MCF2L: variants seen among roughly 807,000 people sequenced by gnomAD.
The protein encoded by MCF2L is MCF.2 cell line derived transforming sequence like, also known as guanine nucleotide exchange factor DBS.
MCF2L carries 97 observed loss-of-function variants against 153.4 expected under a neutral mutation model. The ratio of observed to expected loss-of-function variants is 0.63; its 90% CI spans 0.54 to 0.75. The LOEUF (loss-of-function observed/expected upper bound fraction) is 0.75. Among genes scored for constraint, MCF2L ranks in the 30% least tolerant of loss-of-function variants. MCF2L has a pLI of 0.00. For missense variants in MCF2L, 1,347 were observed against 1,495.2 expected (o/e 0.90, Z 1.64); for synonymous variants, 659 against 632.2 (o/e 1.04, Z -0.64).
chr13:112,986,905 A>G (rs1351896632), intron 1 of MCF2L, among the ~76,000 whole-genome samples: 1 of 152,256 alleles, frequency 6.6e-6, no homozygotes, highest in African/African-American at 2.4e-5. Context: ...CAAGGGTGGC[A>G]GGAGCCACTT....
intron 1 of MCF2L, chr13:112,985,612 G>T: frequency 2.9e-6 from 1 of 349,436 alleles, no homozygotes. Flanking sequence ...TGTGTCCCCT[G>T]TGGAATTTGC....
intron 2 of MCF2L, among the ~76,000 whole-genome samples, chr13:112,928,079 G>C (rs1416978854): frequency 1.3e-5 from 2 of 152,200 alleles, no homozygotes; most frequent in African/African-American, 2.4e-5. Flanking sequence ...TGATTGTATT[G>C]TGTTTATGTG....
intron 2 of MCF2L, among the ~76,000 whole-genome samples, chr13:112,955,004 G>A (rs771907296): frequency 2.6e-5 from 4 of 152,158 alleles, no homozygotes; most frequent in Non-Finnish European, 4.4e-5. Flanking sequence ...ATGCTGTGCC[G>A]TTGGTGACAT....
Position 113,024,667 on chromosome 13 carries a change from C to A in MCF2L, c.187C>A (p.Pro63Thr). 6.2e-7 allele frequency: 1 copy of A among 1,614,040 alleles called. No homozygotes were observed. The highest frequency in any genetic ancestry group is 1.1e-5 in the South Asian group (1 of 91,082). The change falls in exon 3 of 30, where the codon CCG becomes ACG. Residue 63 changes from proline (P) to threonine (T), a missense_variant. Transcript: ENST00000535094. Reference protein sequence around the residue: ...LSGGRGQDGSPVITFPDYPAF... With the variant: ...LSGGRGQDGSTVITFPDYPAF... ...AGGTGGGCGGGGGCAGGACGGAAGCCCGGTTATCACCTTCCCTGACTACCC... is the reference window on the plus strand; with the variant it reads ...AGGTGGGCGGGGGCAGGACGGAAGCACGGTTATCACCTTCCCTGACTACCC...
intron 2 of MCF2L, among the ~76,000 whole-genome samples, chr13:112,911,044 T>C (rs943294374): frequency 6.6e-6 from 1 of 152,192 alleles, no homozygotes; most frequent in Non-Finnish European, 1.5e-5. Context: ...CTCTCGCCCC[T>C]GCCCTGGGAC....
intron 2 of MCF2L, among the ~76,000 whole-genome samples, chr13:112,942,904 T>C (rs1193085179): frequency 6.6e-6 from 1 of 152,178 alleles, no homozygotes; most frequent in Non-Finnish European, 1.5e-5. Context: ...AGGGTGCTGT[T>C]GGGCAGGAAA....
chr13:113,063,928 G>A (rs563418114), intron 5 of MCF2L: 51 of 437,048 alleles, frequency 1.2e-4, no homozygotes, highest in Admixed American at 5.3e-4. Flanking sequence ...CTGTGGAGCC[G>A]TTGTGCAGGG....
In MCF2L at chr13:113,035,086, G is replaced by A. The variant is rs376630996; in HGVS notation, c.279-10185G>A. The stretch of plus-strand genomic sequence containing the variant: ...GTTCCTGTCCACGTTCAGCACCCCC[G>A]TGCAGACCTCACCATTCCCGACGGG... On this transcript the variant is annotated intron_variant, in intron 3 of 29. Transcript: ENST00000535094. The surrounding 1 kb of genome is among the most constrained non-coding windows in gnomAD (Gnocchi z 4.4). 5.5e-4 allele frequency among the ~76,000 whole-genome samples: 83 copies of A among 152,186 alleles called. No homozygotes were observed. The highest frequency in any genetic ancestry group is 1.0e-3 in the Non-Finnish European group (69 of 68,030).
Position 113,088,381 on chromosome 13 carries a change from A to T in MCF2L, c.2743A>T (p.Thr915Ser), listed in dbSNP as rs1407031131. The part of the protein sequence containing the change: ...AWVNEIRKVL[T>S]SQLQACREAS... The stretch of plus-strand genomic sequence containing the variant: ...GGTGAATGAAATTCGGAAAGTGCTG[A>T]CCAGCCAGCTGCAGGCTTGTAGAGG... The change falls in exon 24 of 30, where the codon ACC (threonine) becomes TCC (serine). Residue 915 changes from threonine (T) to serine (S), a missense_variant. By Grantham distance (58) the Thr-to-Ser change is moderately conservative (BLOSUM62 1). Transcript: ENST00000535094. 6.2e-7 allele frequency: 1 copy of T among 1,613,898 alleles called. No individual in the cohort carries two copies. The highest frequency in any genetic ancestry group is 1.3e-5 in the African/African-American group (1 of 74,936).
chr13:113,014,874 G>T, intron 2 of MCF2L, 28 bp downstream of exon 2: 1 of 1,606,790 alleles, frequency 6.2e-7, no homozygotes, highest in Non-Finnish European at 8.5e-7. Flanking sequence ...GGATGGGGTG[G>T]AGAGGGAGGG....
intron 2 of MCF2L, among the ~76,000 whole-genome samples, chr13:112,955,388 G>A (rs1300215670): frequency 3.3e-5 from 5 of 152,202 alleles, no homozygotes; most frequent in African/African-American, 9.7e-5. Context: ...ATTGGGTGTG[G>A]CTATTTCCAT....
At chr13:112,900,467 G>C (rs1419733101) in intron 1 of MCF2L, among the ~76,000 whole-genome samples, 1 of 152,234 alleles carries the variant, frequency 6.6e-6, no homozygotes, top group Non-Finnish European at 1.5e-5. Flanking sequence ...AACCACACAG[G>C]AGCCAGGACG....
chr13:113,091,308 T>C, intron 26 of MCF2L: 1 of 890,202 alleles, frequency 1.1e-6, no homozygotes, highest in South Asian at 1.5e-5. Context: ...CGTGGGTCTT[T>C]ATGCTGCGGA....
intron 2 of MCF2L, among the ~76,000 whole-genome samples, chr13:112,925,571 A>AGT (rs1217553752): frequency 2.6e-5 from 4 of 152,220 alleles, no homozygotes; most frequent in African/African-American, 4.8e-5. Flanking sequence ...ACATGCCTGC[A>AGT]GTTCACACAT....
intron 1 of MCF2L, chr13:112,985,439 G>A (rs774530154): frequency 2.1e-6 from 1 of 471,166 alleles, no homozygotes; most frequent in Non-Finnish European, 4.4e-6. Flanking sequence ...GCTACTACCT[G>A]TATTCTGAGT....
At chr13:113,080,231 G>A (rs1346281333) in intron 15 of MCF2L, among the ~76,000 whole-genome samples, 3 of 136,792 alleles carry the variant, frequency 2.2e-5, no homozygotes, top group East Asian at 2.2e-4. Flanking sequence ...GAGAGTGTTC[G>A]TATGGAGGAG....
intron 1 of MCF2L, among the ~76,000 whole-genome samples, chr13:112,896,515 G>A (rs577669442): frequency 1.3e-5 from 2 of 152,284 alleles, no homozygotes; most frequent in Admixed American, 6.5e-5. Context: ...GAGAAGGCCT[G>A]GGATTGGCAG....
At chr13:112,958,437 C>G (rs1048873767) in intron 2 of MCF2L, among the ~76,000 whole-genome samples, 2 of 152,224 alleles carry the variant, frequency 1.3e-5, no homozygotes, top group African/African-American at 4.8e-5. Context: ...GGCACATGCT[C>G]CATTCGGAGC....
rs571575342 is a variant in MCF2L at position 112,980,414 on chromosome 13, G to T, written c.79+10956G>T. Among the ~76,000 whole-genome samples, 27 of 152,388 alleles carry T rather than the reference G, an allele frequency of 1.8e-4. No homozygotes were observed. The East Asian group carries it at 5.2e-3, about 29-fold the overall frequency. On this transcript the variant is annotated intron_variant, in intron 1 of 29. Transcript: ENST00000535094. ...GCTGTGGAACGTGGGGCAGAAGTTG[G>T]CTGGGGCCAGCCCCCACCCCTGCTT...
Sources: allele counts gnomAD v4.1 joint callset (sites outside exome capture counted in the v4.1 genomes callset), GRCh38; gene constraint gnomAD v4.1.1; non-coding constraint Gnocchi (gnomAD v3.1); transcripts MANE v1.5; gene names NCBI Gene and HGNC (gene_info 2026-07-23, HGNC 2026-07-21).